The following THTPA variants were observed in gnomAD, a reference collection of about 807,000 sequenced individuals.
THTPA encodes thiamine triphosphatase, also known as thiamine-triphosphatase.
In THTPA, 16 loss-of-function variants were observed where a neutral mutation model predicts 16.5. That is an observed-to-expected ratio of 0.97 (90% CI 0.66 to 1.47). THTPA has a LOEUF of 1.47. THTPA is among the 40% of genes most tolerant of loss of function. The pLI is 0.00. For missense variants in THTPA, 281 were observed against 280.9 expected (o/e 1.00, Z 0.00); for synonymous variants, 110 against 115.5 (o/e 0.95, Z 0.30).
chr14:23,533,914 T>C, the THTPA span: 1 of 1,538,106 alleles, frequency 6.5e-7, no homozygotes, highest in Non-Finnish European at 8.7e-7. The surrounding 1 kb of genome is among the most constrained non-coding windows in gnomAD (Gnocchi z 4.8). Context: ...CTCTCGCATG[T>C]GCACATCCAG....
At chr14:23,555,191 G>A (rs1288568838), upstream of THTPA, among the ~76,000 whole-genome samples, 1 of 152,062 alleles carries the variant, frequency 6.6e-6, no homozygotes. Flanking sequence ...GGCCGGGGGG[G>A]TTTCTCCATG....
chr14:23,556,831 TG>T lies in THTPA; in HGVS notation c.80del (p.Gly27AlafsTer19), dbSNP rs757375466. The stretch of plus-strand genomic sequence containing the variant: ...GGCACAGAGGAGCGGCTGCAGGAGT[TG>T]GGGGGCACCCTGGAGTACCGGGTCA... ...GPGTEERLQE[L>X]GGTLEYRVTF... On this transcript the variant is annotated frameshift_variant, in exon 1 of 2. Transcript: ENST00000288014. LOFTEE classifies it high-confidence loss of function. The T allele has an allele frequency of 8.1e-6, 13 of 1,613,308 alleles. No homozygotes were observed. Among genetic ancestry groups the T allele is most frequent in the Non-Finnish European group, 1.1e-5 (13 of 1,179,678 alleles).
At chr14:23,545,706 G>C in the THTPA span, among the ~76,000 whole-genome samples, 2 of 152,198 alleles carry the variant, frequency 1.3e-5, no homozygotes, top group Non-Finnish European at 2.9e-5. Flanking sequence ...GGCCCAAGCA[G>C]ACCACTGATA....
chr14:23,527,885 T>A, the THTPA span: 2 of 908,828 alleles, frequency 2.2e-6, no homozygotes, highest in Non-Finnish European at 1.6e-6. Context: ...GATGCAGCAC[T>A]GGCCCGCCCC....
intron 1 of THTPA, 90 bp downstream of exon 1, chr14:23,557,394 C>T: frequency 7.2e-7 from 1 of 1,379,714 alleles, no homozygotes; most frequent in African/African-American, 1.5e-5. Flanking sequence ...GGGAGGGCCT[C>T]CGGATTAAAA....
chr14:23,557,998 G>A (rs953158083), intron 1 of THTPA, among the ~76,000 whole-genome samples: 7 of 152,264 alleles, frequency 4.6e-5, no homozygotes, highest in Non-Finnish European at 1.0e-4. Context: ...AGACAGTGGG[G>A]CATGATTTGG....
rs747427443 is a variant in THTPA, at chr14:23,558,709, G to C, written c.562G>C (p.Glu188Gln). 5.6e-6 allele frequency: 9 copies of C among 1,614,208 alleles called. No homozygotes were observed. The East Asian group carries it at 2.0e-4, about 36-fold the overall frequency. ...LSSMLGVPAQ[E>Q]TAPAKLIVYL... is the part of the protein sequence containing the mutation. The stretch of plus-strand genomic sequence containing the variant: ...TTTACCTGTAGGTGTGCCTGCACAG[G>C]AGACAGCACCAGCCAAGCTGATTGT... The change falls in exon 2 of 2, where the codon GAG (glutamate) becomes CAG (glutamine). Residue 188 changes from glutamate (E) to glutamine (Q), a missense_variant. By Grantham distance (29) the Glu-to-Gln change is conservative. Transcript: ENST00000288014.
At chr14:23,533,856 G>A in the THTPA span, 48 of 1,538,668 alleles carry the variant, frequency 3.1e-5, 2 homozygotes, top group African/African-American at 3.3e-4. The surrounding 1 kb of genome is among the most constrained non-coding windows in gnomAD (Gnocchi z 4.8). Context: ...GGGGGTGGGC[G>A]CCCCCAGCAC....
chr14:23,513,612 A>G, the THTPA span: 1 of 152,626 alleles, frequency 6.6e-6, no homozygotes, highest in African/African-American at 2.4e-5. Context: ...GCTTACAGGC[A>G]TTGGCATTGT....
chr14:23,533,452 G>T, the THTPA span: 1 of 1,533,886 alleles, frequency 6.5e-7, no homozygotes, highest in Admixed American at 2.0e-5. The surrounding 1 kb of genome is among the most constrained non-coding windows in gnomAD (Gnocchi z 4.8). Context: ...GGGGCTAGTG[G>T]GGGTAGCCCC....
chr14:23,524,416 T>G, the THTPA span: 1 of 1,536,200 alleles, frequency 6.5e-7, no homozygotes. This position sits in a 1 kb window ranked among gnomAD's most constrained non-coding sequence, Gnocchi z 5.6. Context: ...CTTCACTGCC[T>G]GTGGGAGACA....
the THTPA span, chr14:23,525,255 G>A: frequency 9.1e-6 from 14 of 1,535,950 alleles, no homozygotes; most frequent in South Asian, 7.1e-5. This position sits in a 1 kb window ranked among gnomAD's most constrained non-coding sequence, Gnocchi z 5.9. Context: ...TCAGGGGCAC[G>A]GGTCCCCCCT....
the THTPA span, among the ~76,000 whole-genome samples, chr14:23,512,109 G>A: frequency 1.3e-5 from 2 of 152,048 alleles, no homozygotes; most frequent in African/African-American, 2.4e-5. Context: ...AGCCTGCCCT[G>A]TAGGAATGTT....
chr14:23,523,030 G>C, the THTPA span: 35 of 1,411,492 alleles, frequency 2.5e-5, no homozygotes, highest in South Asian at 5.6e-4. This position sits in a 1 kb window ranked among gnomAD's most constrained non-coding sequence, Gnocchi z 4.1. Flanking sequence ...ACACACACCC[G>C]TTCCCAGCAC....
the THTPA span, among the ~76,000 whole-genome samples, chr14:23,546,087 C>T: frequency 6.6e-6 from 1 of 152,168 alleles, no homozygotes; most frequent in African/African-American, 2.4e-5. This position sits in a 1 kb window ranked among gnomAD's most constrained non-coding sequence, Gnocchi z 4.7. Flanking sequence ...AAGTTAAATT[C>T]CTGCCTACAC....
chr14:23,525,970 G>A, the THTPA span: 4 of 1,507,878 alleles, frequency 2.7e-6, no homozygotes, highest in South Asian at 2.6e-5. The surrounding 1 kb of genome is among the most constrained non-coding windows in gnomAD (Gnocchi z 5.9). Context: ...GTGGGGGAGG[G>A]GACAGGAAAG....
At chr14:23,523,725 T>A in the THTPA span, 1 of 1,536,358 alleles carries the variant, frequency 6.5e-7, no homozygotes, top group Non-Finnish European at 8.7e-7. This position sits in a 1 kb window ranked among gnomAD's most constrained non-coding sequence, Gnocchi z 4.1. Context: ...TGCAGGCTGC[T>A]CATCTGGGTC....
chr14:23,533,887 TTGCTCTCAGGG>T, the THTPA span: 1 of 1,538,036 alleles, frequency 6.5e-7, no homozygotes, highest in Non-Finnish European at 8.7e-7. The surrounding 1 kb of genome is among the most constrained non-coding windows in gnomAD (Gnocchi z 4.8). Context: ...GCAGTGACTG[TTGCTCTCAGGG>T]TGCTTCTCTC....
At position 23,559,446 on chromosome 14, in the gene THTPA, T is replaced by TC. The variant is rs369496855; in HGVS notation, c.*610dup. ...TTAGAAAGAACCAACAGCTGCCCCCTCCCCGCCCCCGTGTTGAGACAGGTT... is the reference window on the plus strand; with the variant it reads ...TTAGAAAGAACCAACAGCTGCCCCCTCCCCCGCCCCCGTGTTGAGACAGGTT... On this transcript the variant is annotated 3_prime_UTR_variant, in exon 2 of 2. Transcript: ENST00000288014. 9.0e-3 allele frequency: 3,366 copies of TC among 372,666 alleles called. 98 individuals carry two copies. Among genetic ancestry groups the TC allele is most frequent in the African/African-American group, 0.064 (3,086 of 48,148 alleles). The allele number at this position is 372,666 out of a possible 1,614,324, so 23.1% of individuals were successfully genotyped here. A position where few individuals can be genotyped will look rare whatever the true frequency, so the allele number is the denominator to read the frequency against.
Sources: gnomAD v4.1 joint callset for allele counts (sites outside exome capture counted in the v4.1 genomes callset) on GRCh38, gnomAD v4.1.1 for gene constraint, Gnocchi (gnomAD v3.1) non-coding constraint, MANE v1.5 for transcripts, NCBI Gene and HGNC (gene_info 2026-07-23, HGNC 2026-07-21) for gene names.